PTPN2: variants seen among roughly 807,000 people sequenced by gnomAD.
PTPN2 encodes the protein tyrosine-protein phosphatase non-receptor type 2.
PTPN2 carries 19 observed loss-of-function variants against 57.3 expected under a neutral mutation model. That is an observed-to-expected ratio of 0.33 (90% CI 0.23 to 0.49). The LOEUF (loss-of-function observed/expected upper bound fraction) is 0.49, where lower values mean the gene tolerates loss of function less well. Among genes scored for constraint, PTPN2 ranks in the 20% least tolerant of loss-of-function variants. PTPN2 has a pLI of 0.99. For missense variants in PTPN2, 358 were observed against 501.1 expected (o/e 0.71, Z 2.73); for synonymous variants, 153 against 164.9 (o/e 0.93, Z 0.55).
intron 1 of PTPN2, among the ~76,000 whole-genome samples, chr18:12,864,750 A>G (rs76212793): frequency 0.013 from 1,912 of 152,218 alleles, 19 homozygotes; most frequent in South Asian, 0.035. Flanking sequence ...TCACCTCCTA[A>G]TATTTTCACA....
At chr18:12,840,088 C>G (rs2042994319) in intron 2 of PTPN2, among the ~76,000 whole-genome samples, 1 of 152,190 alleles carries the variant, frequency 6.6e-6, no homozygotes, top group Non-Finnish European at 1.5e-5. Context: ...GGTTAAATCA[C>G]AGCAAAGATC....
chr18:12,878,834 C>A lies in PTPN2; in HGVS notation c.69+5239G>T, dbSNP rs544624142. On this transcript the variant is annotated intron_variant, in intron 1 of 8. Coordinates refer to ENST00000309660, the MANE Select transcript of PTPN2 (RefSeq NM_002828.4). Reference sequence around the variant, plus strand: ...TGCACTTGTACTCCAGACTGGGCAACAGAGTGAGAACTCTTTAAAAAAGAA... The same window carrying A: ...TGCACTTGTACTCCAGACTGGGCAAAAGAGTGAGAACTCTTTAAAAAAGAA... Among the ~76,000 whole-genome samples the A allele has an allele frequency of 2.0e-5, 3 of 152,286 alleles. No individual in the cohort carries two copies. In the East Asian group the frequency reaches 5.8e-4, roughly 29 times the overall value.
At chr18:12,796,282 T>C (rs1208750461) in intron 8 of PTPN2, among the ~76,000 whole-genome samples, 4 of 152,182 alleles carry the variant, frequency 2.6e-5, no homozygotes, top group African/African-American at 9.6e-5. Flanking sequence ...ATCAGGAAAA[T>C]GTTCTAAAAT....
intron 5 of PTPN2, among the ~76,000 whole-genome samples, chr18:12,822,581 C>T (rs966314486): frequency 1.3e-5 from 2 of 152,130 alleles, no homozygotes; most frequent in Non-Finnish European, 1.5e-5. Context: ...CTGGAGGAGG[C>T]GCAGGGCTTG....
At chr18:12,875,942 A>G (rs1256957474) in intron 1 of PTPN2, among the ~76,000 whole-genome samples, 1 of 152,214 alleles carries the variant, frequency 6.6e-6, no homozygotes, top group African/African-American at 2.4e-5. Flanking sequence ...TGGTTGGCCA[A>G]GCACTGTGGC....
intron 5 of PTPN2, among the ~76,000 whole-genome samples, chr18:12,824,586 A>C (rs1382236489): frequency 1.3e-5 from 2 of 152,190 alleles, no homozygotes; most frequent in Non-Finnish European, 2.9e-5. Flanking sequence ...TCAAGCTATC[A>C]CAGTTTCTAT....
intron 7 of PTPN2, among the ~76,000 whole-genome samples, chr18:12,806,728 A>C (rs1371135667): frequency 6.6e-6 from 1 of 152,182 alleles, no homozygotes; most frequent in Non-Finnish European, 1.5e-5. Context: ...TGTTGGGAAC[A>C]CTGGATATCT....
intron 1 of PTPN2, among the ~76,000 whole-genome samples, chr18:12,872,786 A>C (rs1484851827): frequency 6.6e-6 from 1 of 152,252 alleles, no homozygotes; most frequent in South Asian, 2.1e-4. Flanking sequence ...AAGTCAAAAC[A>C]ACTTCTTGAA....
chr18:12,835,382 CTTT>C (rs60239177), intron 3 of PTPN2, among the ~76,000 whole-genome samples: 6 of 99,020 alleles, frequency 6.1e-5, no homozygotes, highest in East Asian at 6.9e-4. Flanking sequence ...TCACATATGT[CTTT>C]TTTTTTTTTT....
At chr18:12,882,080 A>G (rs570934189) in intron 1 of PTPN2, among the ~76,000 whole-genome samples, 8 of 152,290 alleles carry the variant, frequency 5.3e-5, no homozygotes, top group Admixed American at 3.9e-4. Flanking sequence ...CTGCAACTCC[A>G]CTGGGGGTCC....
At chr18:12,858,504 T>C (rs988488338) in intron 2 of PTPN2, among the ~76,000 whole-genome samples, 1 of 152,126 alleles carries the variant, frequency 6.6e-6, no homozygotes, top group East Asian at 1.9e-4. Flanking sequence ...ACAGGGAACT[T>C]ATGCAAAAGA....
intron 1 of PTPN2, among the ~76,000 whole-genome samples, chr18:12,870,711 G>A (rs1249783672): frequency 1.3e-5 from 2 of 150,968 alleles, no homozygotes; most frequent in Admixed American, 6.6e-5. Context: ...GGGTTTCACC[G>A]TGTTAGCCAG....
intron 2 of PTPN2, chr18:12,843,879 A>G (rs147182838): frequency 9.2e-5 from 14 of 152,404 alleles, no homozygotes; most frequent in African/African-American, 3.4e-4. Context: ...CCACAAACAA[A>G]TTCACATGAC....
chr18:12,815,637 CAG>C (rs1285880250), intron 6 of PTPN2, among the ~76,000 whole-genome samples: 5 of 152,052 alleles, frequency 3.3e-5, no homozygotes, highest in Non-Finnish European at 5.9e-5. Context: ...AAATAATCAC[CAG>C]AGTTTTAAAA....
chr18:12,854,049 A>C (rs2043488280), intron 2 of PTPN2, among the ~76,000 whole-genome samples: 1 of 152,158 alleles, frequency 6.6e-6, no homozygotes, highest in Non-Finnish European at 1.5e-5. Context: ...TGAACAGAGA[A>C]GAAAACAGAT....
chr18:12,807,626 TA>T (rs201457577), intron 7 of PTPN2, among the ~76,000 whole-genome samples: 23 of 105,398 alleles, frequency 2.2e-4, no homozygotes, highest in South Asian at 3.5e-4. Context: ...ATTTGGCCAT[TA>T]AAAAAAAAAG....
chr18:12,881,736 C>T (rs946235190), intron 1 of PTPN2, among the ~76,000 whole-genome samples: 1 of 152,218 alleles, frequency 6.6e-6, no homozygotes, highest in East Asian at 1.9e-4. Context: ...TTCACCAGAA[C>T]TCCCATGTGT....
chr18:12,873,225 A>G (rs1185620020), intron 1 of PTPN2, among the ~76,000 whole-genome samples: 2 of 144,974 alleles, frequency 1.4e-5, no homozygotes, highest in African/African-American at 5.1e-5. Context: ...CGTCTCAAGA[A>G]AAAAAAAAAA....
intron 5 of PTPN2, among the ~76,000 whole-genome samples, chr18:12,818,426 C>A (rs2042151543): frequency 6.6e-6 from 1 of 152,164 alleles, no homozygotes; most frequent in Admixed American, 6.5e-5. Flanking sequence ...AAGTGGTTTA[C>A]CAACATGCTA....
Sources: allele counts gnomAD v4.1 joint callset (sites outside exome capture counted in the v4.1 genomes callset), GRCh38; gene constraint gnomAD v4.1.1; transcripts MANE v1.5; gene names NCBI Gene and HGNC (gene_info 2026-07-23, HGNC 2026-07-21).